The following NCALD variants were observed in gnomAD, a reference collection of about 807,000 sequenced individuals.
The protein encoded by NCALD is neurocalcin-delta.
In NCALD, 10 loss-of-function variants were observed where a neutral mutation model predicts 18.6. The observed-to-expected ratio is 0.54, with a 90% CI of 0.33 to 0.91. The LOEUF is 0.91. NCALD is among the 40% of genes least tolerant of loss of function. The pLI is 0.03. For missense variants in NCALD, 184 were observed against 247.6 expected (o/e 0.74, Z 1.72); for synonymous variants, 88 against 87.4 (o/e 1.01, Z -0.04).
intron 3 of NCALD, among the ~76,000 whole-genome samples, chr8:101,907,535 T>C (rs1190588890): frequency 6.6e-6 from 1 of 151,216 alleles, no homozygotes; most frequent in Non-Finnish European, 1.5e-5. Context: ...TTAAATATTT[T>C]ATTAATTTCT....
intron 4 of NCALD, among the ~76,000 whole-genome samples, chr8:101,824,199 C>T (rs1813837299): frequency 1.3e-5 from 2 of 152,172 alleles, no homozygotes; most frequent in Non-Finnish European, 2.9e-5. Flanking sequence ...CTGGAATATG[C>T]TATTATTACT....
At chr8:101,785,585 A>T (rs74439912) in intron 1 of NCALD, among the ~76,000 whole-genome samples, 5,560 of 152,140 alleles carry the variant, frequency 0.037, 339 homozygotes, top group African/African-American at 0.13. Context: ...ACAGTGTTGG[A>T]TTATGCCATT....
At chr8:101,901,215 T>C (rs1329880904) in intron 3 of NCALD, among the ~76,000 whole-genome samples, 4 of 152,042 alleles carry the variant, frequency 2.6e-5, no homozygotes, top group African/African-American at 9.7e-5. Flanking sequence ...CATTCTGTAA[T>C]TTTTACCCTC....
intron 2 of NCALD, among the ~76,000 whole-genome samples, chr8:101,943,210 C>G (rs1184883997): frequency 6.6e-6 from 1 of 152,184 alleles, no homozygotes; most frequent in Non-Finnish European, 1.5e-5. Context: ...AAGAGACTCC[C>G]CATCCAGGGA....
At chr8:101,699,305 T>G (rs1001214107) in intron 2 of NCALD, among the ~76,000 whole-genome samples, 1 of 152,224 alleles carries the variant, frequency 6.6e-6, no homozygotes, top group Non-Finnish European at 1.5e-5. Context: ...GCTTTTACAC[T>G]GTTGGTGGGA....
At chr8:102,018,555 C>A (rs4734613) in intron 2 of NCALD, among the ~76,000 whole-genome samples, 121,012 of 152,108 alleles carry the variant, frequency 0.8, 48,864 homozygotes, top group African/African-American at 0.93. Flanking sequence ...CAGAGAGCCA[C>A]ATCCAGATTG....
chr8:101,690,507 G>T, intron 3 of NCALD: 1 of 985,392 alleles, frequency 1.0e-6, no homozygotes, highest in Non-Finnish European at 1.2e-6. Context: ...ATAGCCTCCA[G>T]TATCTATCTT....
intron 1 of NCALD, among the ~76,000 whole-genome samples, chr8:102,109,606 T>C (rs993846688): frequency 6.6e-6 from 1 of 152,174 alleles, no homozygotes; most frequent in African/African-American, 2.4e-5. Context: ...TATACTAATA[T>C]TTGGGGAAAT....
At chr8:102,113,028 T>G (rs77903401) in intron 1 of NCALD, among the ~76,000 whole-genome samples, 2,635 of 152,280 alleles carry the variant, frequency 0.017, 100 homozygotes, top group African/African-American at 0.06. Flanking sequence ...TATTCCATTA[T>G]AGCAACGCAA....
Position 101,801,645 on chromosome 8 carries a change from T to TTTTC in NCALD, c.-19-81998_-19-81997insGAAA, listed in dbSNP as rs1812862330. ...TCTATGATTTACAAGCACACTTACT[T>TTTTC]TTTTTTTTTTTTTTTTTTTTTTTTT... On this transcript the variant is annotated intron_variant, in intron 4 of 6. Coordinates refer to the NCALD transcript ENST00000311028. 1.8e-3 allele frequency among the ~76,000 whole-genome samples: 36 copies of TTTTC among 20,350 alleles called. 1 individual carries two copies. Among genetic ancestry groups the TTTTC allele is most frequent in the African/African-American group, 2.4e-3 (5 of 2,084 alleles). The allele number at this position is 20,350 out of a possible 152,430, so 13.4% of individuals were successfully genotyped here.
intron 4 of NCALD, among the ~76,000 whole-genome samples, chr8:101,811,836 T>C (rs1490113069): frequency 6.6e-6 from 1 of 152,186 alleles, no homozygotes; most frequent in Non-Finnish European, 1.5e-5. Flanking sequence ...AGTCCTCTGA[T>C]TCTAGAATTT....
At chr8:101,691,124 G>A (rs1814710491) in intron 3 of NCALD, 2 of 985,360 alleles carry the variant, frequency 2.0e-6, no homozygotes, top group Non-Finnish European at 2.4e-6. Flanking sequence ...AGGGGTGCAG[G>A]TGTCCTCAAT....
At chr8:101,817,647 C>T (rs1347694997) in intron 4 of NCALD, among the ~76,000 whole-genome samples, 1 of 151,964 alleles carries the variant, frequency 6.6e-6, no homozygotes, top group Non-Finnish European at 1.5e-5. Flanking sequence ...GCATTGCCGA[C>T]AATGAGGATT....
At chr8:101,767,796 CT>C (rs1374824809) in intron 1 of NCALD, among the ~76,000 whole-genome samples, 3 of 152,226 alleles carry the variant, frequency 2.0e-5, no homozygotes, top group Non-Finnish European at 4.4e-5. Flanking sequence ...CATGGATTAA[CT>C]GGGGAATGGC....
At chr8:102,118,757 G>A (rs747320848) in intron 1 of NCALD, among the ~76,000 whole-genome samples, 28 of 151,432 alleles carry the variant, frequency 1.8e-4, no homozygotes, top group Non-Finnish European at 2.7e-4. Context: ...CCTCTCTAAC[G>A]TCCAAACCTT....
intron 4 of NCALD, chr8:101,847,388 A>G (rs1814912236): frequency 4.8e-6 from 1 of 209,630 alleles, no homozygotes; most frequent in African/African-American, 2.3e-5. Context: ...TTAGTGGGAT[A>G]TGGACATGAT....
rs191030439 is a variant in NCALD, at chr8:101,853,721, C to T, written c.-20+33420G>A. ...GGAAAGCAATTGCTGGAGAGTAGTC[C>T]TTGTTCTTTGCTGACAGAACAGGAG... On this transcript the variant is annotated intron_variant, in intron 4 of 6. Coordinates refer to the NCALD transcript ENST00000311028. Among the ~76,000 whole-genome samples, 405 of 152,228 alleles carry T rather than the reference C, an allele frequency of 2.7e-3. 2 individuals are homozygous for T. The highest frequency in any genetic ancestry group is 9.2e-3 in the African/African-American group (384 of 41,542).
At position 101,687,258 on chromosome 8, in the gene NCALD, C is replaced by T. The variant is rs981558083; in HGVS notation, c.*2051G>A. On this transcript the variant is annotated 3_prime_UTR_variant, in exon 4 of 4. Transcript: ENST00000220931. ...GAATCAAAGGAAGGAACTAGGACTT[C>T]GATTCAGAGCAGGGAAAAGTGGGAT... The T allele has an allele frequency of 3.3e-5, 5 of 152,690 alleles. No individual in the cohort carries two copies. The highest frequency in any genetic ancestry group is 1.3e-4 in the Admixed American group (2 of 15,286). 9.5% of individuals were successfully genotyped at this position (152,690 alleles called of 1,614,324 possible). A position where few individuals can be genotyped will look rare whatever the true frequency, so the allele number is the denominator to read the frequency against.
At chr8:101,858,339 T>C (rs557766100) in intron 4 of NCALD, among the ~76,000 whole-genome samples, 1 of 152,062 alleles carries the variant, frequency 6.6e-6, no homozygotes, top group East Asian at 1.9e-4. Flanking sequence ...CAGAAAAAGC[T>C]CAGGAACTAG....
Sources: gnomAD v4.1 joint callset for allele counts (sites outside exome capture counted in the v4.1 genomes callset) on GRCh38, gnomAD v4.1.1 for gene constraint, MANE v1.5 for transcripts, NCBI Gene and HGNC (gene_info 2026-07-23, HGNC 2026-07-21) for gene names.